The following ROBO1 variants were observed in gnomAD, a reference collection of about 807,000 sequenced individuals.
The protein encoded by ROBO1 is roundabout homolog 1.
A neutral mutation model predicts 195.9 loss-of-function variants in ROBO1; 149 were observed. The observed-to-expected ratio is 0.76, with a 90% CI of 0.67 to 0.87. ROBO1 has a LOEUF of 0.87. ROBO1 is among the 40% of genes least tolerant of loss of function. The pLI, the probability that ROBO1 is intolerant of heterozygous loss-of-function variation, is 0.00. For missense variants in ROBO1, 1,933 were observed against 2,068.3 expected, an observed-to-expected ratio of 0.93 and a Z score of 1.27; for synonymous variants, 816 against 733.2, an observed-to-expected ratio of 1.11 and a Z score of -1.82.
intron 4 of ROBO1, among the ~76,000 whole-genome samples, chr3:78,872,397 C>T (rs2107159091): frequency 6.6e-6 from 1 of 152,346 alleles, no homozygotes; most frequent in East Asian, 1.9e-4. Context: ...ATAATCTTGT[C>T]TGGACTTTCC....
intron 3 of ROBO1, among the ~76,000 whole-genome samples, chr3:79,034,665 T>C (rs1427858551): frequency 6.6e-6 from 1 of 152,134 alleles, no homozygotes; most frequent in Admixed American, 6.6e-5. Flanking sequence ...AATTGAATAT[T>C]ACAGTCATTA....
intron 2 of ROBO1, among the ~76,000 whole-genome samples, chr3:79,288,131 C>T (rs1391742173): frequency 6.6e-6 from 1 of 152,122 alleles, no homozygotes; most frequent in Admixed American, 6.6e-5. Context: ...AATCTTCCTC[C>T]GTTTTCAAAC....
intron 2 of ROBO1, among the ~76,000 whole-genome samples, chr3:79,126,750 T>C (rs2080223096): frequency 6.6e-6 from 1 of 152,194 alleles, no homozygotes; most frequent in South Asian, 2.1e-4. Context: ...GCTGAGCCAG[T>C]GAGTACATGC....
chr3:78,719,663 T>C (rs2081994792), intron 5 of ROBO1, among the ~76,000 whole-genome samples: 1 of 152,176 alleles, frequency 6.6e-6, no homozygotes, highest in Non-Finnish European at 1.5e-5. Context: ...TTTACACAGA[T>C]CCTCAGCATC....
rs547359247 is a variant in ROBO1 at position 79,385,171 on chromosome 3, T to C, written c.88+204653A>G. 8.5e-5 allele frequency among the ~76,000 whole-genome samples: 13 copies of C among 152,240 alleles called. No homozygotes were observed. In the Middle Eastern group the frequency reaches 0.01, roughly 119 times the overall value. Reference sequence around the variant, plus strand: ...TTTCATTCTTTAGGAATTTCACTATTTGTATTTCTTAAATTTGGACGCATG... The same window carrying C: ...TTTCATTCTTTAGGAATTTCACTATCTGTATTTCTTAAATTTGGACGCATG... On this transcript the variant is annotated intron_variant, in intron 2 of 30. Coordinates refer to ENST00000464233, the MANE Select transcript of ROBO1 (RefSeq NM_002941.4).
Position 78,657,161 on chromosome 3 carries a change from C to G in ROBO1, c.2551G>C (p.Glu851Gln). The change falls in exon 18 of 31, where the codon GAA becomes CAA. Residue 851 changes from glutamate (E) to glutamine (Q), a missense_variant. Around this residue, in one of 3 missense-constraint regions of ROBO1, gnomAD observed 1,737 missense variants for 1,882.5 expected, o/e 0.92. Coordinates refer to ENST00000464233, the MANE Select transcript of ROBO1 (RefSeq NM_002941.4). The stretch of plus-strand genomic sequence containing the variant: ...CCAGCCCCAGTGCTGGCTGCCACTT[C>G]CACACTGTATCGGATTCCAGGAACA... ...FLVPGIRYSV[E>Q]VAASTGAGSG... The G allele has an allele frequency of 1.2e-6, 2 of 1,613,020 alleles. No homozygotes were observed. Among genetic ancestry groups the G allele is most frequent in the Non-Finnish European group, 1.7e-6 (2 of 1,179,516 alleles).
At chr3:79,104,369 G>A (rs546441475) in intron 3 of ROBO1, among the ~76,000 whole-genome samples, 1 of 151,816 alleles carries the variant, frequency 6.6e-6, no homozygotes, top group Admixed American at 6.6e-5. Context: ...AGTCATGATA[G>A]AACAGCATGT....
intron 4 of ROBO1, among the ~76,000 whole-genome samples, chr3:78,926,989 A>G (rs1376078876): frequency 6.6e-6 from 1 of 151,212 alleles, no homozygotes; most frequent in African/African-American, 2.4e-5. Flanking sequence ...GAATATTTCA[A>G]AAAAAAAAGG....
chr3:79,540,184 C>A (rs1304331267), intron 2 of ROBO1, among the ~76,000 whole-genome samples: 1 of 152,020 alleles, frequency 6.6e-6, no homozygotes, highest in Non-Finnish European at 1.5e-5. Context: ...AAGTTCCTAT[C>A]TTACATTTGC....
At chr3:78,822,180 CACAGT>C (rs1435926168) in intron 4 of ROBO1, among the ~76,000 whole-genome samples, 1 of 151,886 alleles carries the variant, frequency 6.6e-6, no homozygotes, top group Non-Finnish European at 1.5e-5. Context: ...AACCTATATG[CACAGT>C]ACAAGCATGG....
chr3:79,513,332 G>T (rs758743614), intron 2 of ROBO1, among the ~76,000 whole-genome samples: 7 of 151,752 alleles, frequency 4.6e-5, no homozygotes, highest in Non-Finnish European at 1.0e-4. Flanking sequence ...ATAAATAGAA[G>T]TATGTTAATA....
In ROBO1 at chr3:79,624,442, T is replaced by A. The variant is rs569147096; in HGVS notation, c.-50-34481A>T. Among the ~76,000 whole-genome samples, 89 of 152,092 alleles carry A rather than the reference T, an allele frequency of 5.9e-4. 1 individual carries two copies. The South Asian group carries it at 8.3e-3, about 14-fold the overall frequency. On this transcript the variant is annotated intron_variant, in intron 1 of 30. Transcript: ENST00000464233. ...TTTAAGACCCATCGGTATGCTGTAT[T>A]CAGGAGACACACAACTCACATGAAA...
intron 2 of ROBO1, among the ~76,000 whole-genome samples, chr3:79,524,079 G>A (rs9873952): frequency 0.73 from 110,745 of 151,964 alleles, 41,482 homozygotes; most frequent in African/African-American, 0.92. Context: ...ACCTAAAGAC[G>A]CATAATGGGA....
intron 4 of ROBO1, among the ~76,000 whole-genome samples, chr3:78,776,530 G>A (rs6777930): frequency 0.015 from 2,319 of 152,280 alleles, 55 homozygotes; most frequent in African/African-American, 0.046. Flanking sequence ...GATCAGAGGC[G>A]TGAGCCACCG....
intron 2 of ROBO1, among the ~76,000 whole-genome samples, chr3:79,397,765 G>T (rs990121448): frequency 6.6e-6 from 1 of 152,026 alleles, no homozygotes; most frequent in East Asian, 1.9e-4. Flanking sequence ...TTGACCAAAG[G>T]CTCGCTAGTT....
intron 3 of ROBO1, among the ~76,000 whole-genome samples, chr3:79,070,969 C>T (rs2079078582): frequency 6.6e-6 from 1 of 151,508 alleles, no homozygotes; most frequent in South Asian, 2.1e-4. Flanking sequence ...GTACATTTTA[C>T]AGTGTACAAT....
At chr3:79,083,645 A>G (rs932580853) in intron 3 of ROBO1, among the ~76,000 whole-genome samples, 1 of 152,352 alleles carries the variant, frequency 6.6e-6, no homozygotes, top group Admixed American at 6.5e-5. Flanking sequence ...CTGTCGTCCT[A>G]TCCAAGTTAA....
intron 2 of ROBO1, among the ~76,000 whole-genome samples, chr3:79,302,091 A>T (rs895448433): frequency 1.3e-5 from 2 of 152,192 alleles, no homozygotes; most frequent in Non-Finnish European, 2.9e-5. Context: ...TGGCTAAAGT[A>T]AAATGAAGGG....
intron 4 of ROBO1, among the ~76,000 whole-genome samples, chr3:78,811,870 T>A (rs1478401628): frequency 6.6e-6 from 1 of 152,106 alleles, no homozygotes; most frequent in Non-Finnish European, 1.5e-5. Context: ...GCCTCATCAA[T>A]ATAAGGTGAG....
Sources: allele counts gnomAD v4.1 joint callset (sites outside exome capture counted in the v4.1 genomes callset), GRCh38; gene constraint gnomAD v4.1.1; regional missense constraint gnomAD v4.1.1; transcripts MANE v1.5; gene names NCBI Gene and HGNC (gene_info 2026-07-23, HGNC 2026-07-21).